Variants in ZNF804A observed in about 807,000 individuals in gnomAD.
The protein encoded by ZNF804A is zinc finger protein 804A.
A neutral mutation model predicts 16.5 loss-of-function variants in ZNF804A; 2 were observed. The observed-to-expected ratio is 0.12, with a 90% CI of 0.05 to 0.38. ZNF804A has a LOEUF of 0.38. Among genes scored for constraint, ZNF804A ranks in the 10% least tolerant of loss-of-function variants. ZNF804A has a pLI of 0.99. For missense variants in ZNF804A, 1,473 were observed against 1,390.7 expected, an observed-to-expected ratio of 1.06 and a Z score of -0.94; for synonymous variants, 534 against 489.6, an observed-to-expected ratio of 1.09 and a Z score of -1.20.
chr2:184,870,056 G>T (rs1177680004), intron 2 of ZNF804A, among the ~76,000 whole-genome samples: 1 of 151,730 alleles, frequency 6.6e-6, no homozygotes, highest in African/African-American at 2.4e-5. Context: ...ACAATTTTAG[G>T]GCAGGGACTC....
intron 1 of ZNF804A, among the ~76,000 whole-genome samples, chr2:184,776,477 C>A (rs1384987413): frequency 6.6e-6 from 1 of 150,546 alleles, no homozygotes; most frequent in African/African-American, 2.4e-5. Flanking sequence ...TTTATATAAA[C>A]CTCATTTTTT....
chr2:184,798,704 A>G (rs1038075467), intron 1 of ZNF804A, among the ~76,000 whole-genome samples: 2 of 152,118 alleles, frequency 1.3e-5, no homozygotes, highest in Non-Finnish European at 2.9e-5. Context: ...GATTAGCTAA[A>G]TAACTAACCT....
intron 1 of ZNF804A, among the ~76,000 whole-genome samples, chr2:184,655,132 T>C (rs766059831): frequency 6.6e-6 from 1 of 152,240 alleles, no homozygotes; most frequent in African/African-American, 2.4e-5. Context: ...TCTATTTATA[T>C]GATTCCCACC....
At chr2:184,813,999 T>TTTC (rs1426666895) in intron 1 of ZNF804A, among the ~76,000 whole-genome samples, 29 of 127,120 alleles carry the variant, frequency 2.3e-4, no homozygotes, top group Non-Finnish European at 4.5e-4. Flanking sequence ...GCAGCTTTTT[T>TTTC]TTTTTTTTTT....
intron 2 of ZNF804A, among the ~76,000 whole-genome samples, chr2:184,912,552 T>A (rs1157450151): frequency 6.6e-6 from 1 of 152,100 alleles, no homozygotes; most frequent in East Asian, 1.9e-4. Flanking sequence ...GCTGCACCAA[T>A]TTACATTGCC....
At chr2:184,859,103 T>C (rs1351982929) in intron 1 of ZNF804A, among the ~76,000 whole-genome samples, 1 of 152,198 alleles carries the variant, frequency 6.6e-6, no homozygotes, top group African/African-American at 2.4e-5. Context: ...GTCTTTAATT[T>C]TTGACAGTTG....
intron 2 of ZNF804A, among the ~76,000 whole-genome samples, chr2:184,871,412 C>T (rs1483631667): frequency 8.4e-6 from 1 of 119,552 alleles, no homozygotes; most frequent in Non-Finnish European, 1.7e-5. Flanking sequence ...GAAATTACTC[C>T]AGCAAAAAAA....
intron 1 of ZNF804A, among the ~76,000 whole-genome samples, chr2:184,807,907 T>C (rs1694836135): frequency 6.6e-6 from 1 of 151,738 alleles, no homozygotes; most frequent in African/African-American, 2.4e-5. Context: ...TTGTATCCAA[T>C]ATTCTATTTA....
chr2:184,620,684 G>A (rs1161463217), intron 1 of ZNF804A, among the ~76,000 whole-genome samples: 1 of 151,602 alleles, frequency 6.6e-6, no homozygotes, highest in African/African-American at 2.4e-5. Context: ...ACAATAAGTG[G>A]AAAAACAAAG....
intron 1 of ZNF804A, among the ~76,000 whole-genome samples, chr2:184,756,147 C>T (rs1260431577): frequency 6.6e-6 from 1 of 151,802 alleles, no homozygotes; most frequent in Non-Finnish European, 1.5e-5. Context: ...CTTACTCAAC[C>T]TTCTAATTCA....
intron 1 of ZNF804A, among the ~76,000 whole-genome samples, chr2:184,604,837 CTGAAT>C (rs1691116087): frequency 6.6e-6 from 1 of 152,044 alleles, no homozygotes; most frequent in Non-Finnish European, 1.5e-5. Flanking sequence ...ATTGCTTGAA[CTGAAT>C]TAACAGTATT....
chr2:184,862,084 A>G (rs919800915), intron 1 of ZNF804A, among the ~76,000 whole-genome samples: 1 of 152,158 alleles, frequency 6.6e-6, no homozygotes, highest in African/African-American at 2.4e-5. Flanking sequence ...TCATAGTTCA[A>G]CCTAGAATGG....
At chr2:184,887,921 T>C (rs1346839902) in intron 2 of ZNF804A, among the ~76,000 whole-genome samples, 1 of 152,014 alleles carries the variant, frequency 6.6e-6, no homozygotes, top group Non-Finnish European at 1.5e-5. Flanking sequence ...AGCTAAACAT[T>C]GAGTATATAT....
chr2:184,637,112 T>A (rs1461054153), intron 1 of ZNF804A, among the ~76,000 whole-genome samples: 5 of 152,198 alleles, frequency 3.3e-5, no homozygotes, highest in Non-Finnish European at 7.4e-5. Flanking sequence ...TATGTCTTAT[T>A]TTTAATTGCA....
chr2:184,711,088 T>G (rs1033969728), intron 1 of ZNF804A, among the ~76,000 whole-genome samples: 1 of 151,730 alleles, frequency 6.6e-6, no homozygotes, highest in Non-Finnish European at 1.5e-5. Flanking sequence ...ACTATTGTTT[T>G]TATGGCAGAT....
rs762689676 is a variant in ZNF804A at position 184,938,878 on chromosome 2, C to A, written c.3482C>A (p.Pro1161Gln). Residue 1161 changes from proline (P) to glutamine (Q), a missense_variant, in exon 4 of 4, where the codon CCA becomes CAA. Pro to Gln is a moderately conservative substitution (Grantham distance 76, BLOSUM62 -1). Transcript: ENST00000302277. Reference sequence around the variant, plus strand: ...CCGAGGCTTTGTCCTGGGAACCAGCCAACTTTTGTTGCTCCTCCTCAGATG... The same window carrying A: ...CCGAGGCTTTGTCCTGGGAACCAGCAAACTTTTGTTGCTCCTCCTCAGATG... ...VGPRLCPGNQ[P>Q]TFVAPPQMPI... The A allele has an allele frequency of 2.5e-5, 41 of 1,613,908 alleles. No individual in the cohort carries two copies. Among genetic ancestry groups the A allele is most frequent in the Middle Eastern group, 1.6e-4 (1 of 6,082 alleles).
chr2:184,754,606 C>T (rs754454512), intron 1 of ZNF804A, among the ~76,000 whole-genome samples: 1 of 151,648 alleles, frequency 6.6e-6, no homozygotes, highest in East Asian at 1.9e-4. Flanking sequence ...GTAAATATCT[C>T]GAATTGAAAC....
intron 1 of ZNF804A, among the ~76,000 whole-genome samples, chr2:184,704,534 T>G (rs1692989877): frequency 6.6e-6 from 1 of 151,996 alleles, no homozygotes; most frequent in Non-Finnish European, 1.5e-5. Flanking sequence ...ATGTTCAAAG[T>G]TATAGTTTAG....
At chr2:184,922,959 G>A (rs1411274520) in intron 2 of ZNF804A, among the ~76,000 whole-genome samples, 1 of 151,928 alleles carries the variant, frequency 6.6e-6, no homozygotes, top group African/African-American at 2.4e-5. Context: ...GGTTACTTTA[G>A]CTCTGTATTA....
Sources: gnomAD v4.1 joint callset for allele counts (sites outside exome capture counted in the v4.1 genomes callset) on GRCh38, gnomAD v4.1.1 for gene constraint, MANE v1.5 for transcripts, NCBI Gene and HGNC (gene_info 2026-07-23, HGNC 2026-07-21) for gene names.